IL3RA: variants seen among roughly 807,000 people sequenced by gnomAD.
The protein encoded by IL3RA is interleukin-3 receptor subunit alpha.
In IL3RA, 73 loss-of-function variants were observed where a neutral mutation model predicts 52.3. That is an observed-to-expected ratio of 1.40 (90% CI 1.16 to 1.70). The LOEUF (loss-of-function observed/expected upper bound fraction) is 1.70. IL3RA is among the 40% of genes most tolerant of loss of function. IL3RA has a pLI of 0.00. For missense variants in IL3RA, 664 were observed against 504.4 expected, an observed-to-expected ratio of 1.32 and a Z score of -3.03; for synonymous variants, 260 against 194.0, an observed-to-expected ratio of 1.34 and a Z score of -2.83.
At chrX:1,356,195 CCT>C in intron 6 of IL3RA, 24 bp from the exon 7 acceptor site, 1 of 1,338,624 alleles carries the variant, frequency 7.5e-7, no homozygotes, top group Non-Finnish European at 1.1e-6. Flanking sequence ...ACTCCTAAAT[CCT>C]AAAAGTGTTT....
At chrX:1,378,532 TC>T (rs1307343872) in intron 9 of IL3RA, 126 bp from the exon 10 acceptor site, 36 of 756,464 alleles carry the variant, frequency 4.8e-5, no homozygotes, top group South Asian at 6.7e-5. Flanking sequence ...TACTGGGGTG[TC>T]CCCCCCTGGA....
At chrX:1,344,589 A>G (rs1340259970) in intron 2 of IL3RA, among the ~76,000 whole-genome samples, 2 of 151,520 alleles carry the variant, frequency 1.3e-5, no homozygotes, top group Non-Finnish European at 2.9e-5. Context: ...CCTGGCCAAC[A>G]TGGTGAAACC....
chrX:1,380,705 G>A (rs1457836855), intron 10 of IL3RA, among the ~76,000 whole-genome samples: 1 of 143,958 alleles, frequency 6.9e-6, no homozygotes, highest in Admixed American at 7.0e-5. Context: ...GGAGGAAGAG[G>A]GGGACGAGGC....
chrX:1,361,622 A>ATG (rs2087376955), intron 8 of IL3RA, among the ~76,000 whole-genome samples: 1 of 151,036 alleles, frequency 6.6e-6, no homozygotes, highest in Non-Finnish European at 1.5e-5. Context: ...TGGTGGTGGC[A>ATG]GGCGCCTGTG....
rs757432640 is a variant in IL3RA at position 1,339,728 on chromosome X, G to A, written c.-38-2000G>A. The stretch of plus-strand genomic sequence containing the variant: ...AATCGCTTGAACGTGGGAGGTGGAG[G>A]TTGCAGTGAACCAAGATCGCGCCAC... On this transcript the variant is annotated intron_variant, in intron 1 of 11. Coordinates refer to ENST00000331035, the MANE Select transcript of IL3RA (RefSeq NM_002183.4). Among the ~76,000 whole-genome samples, 42 of 152,150 alleles carry A rather than the reference G, an allele frequency of 2.8e-4. No individual in the cohort carries two copies. In the South Asian group the frequency reaches 6.2e-3, roughly 23 times the overall value.
At chrX:1,380,119 C>CCTCA (rs1172933154) in intron 10 of IL3RA, among the ~76,000 whole-genome samples, 1 of 151,778 alleles carries the variant, frequency 6.6e-6, no homozygotes, top group African/African-American at 2.4e-5. Context: ...GTCTTGAACT[C>CCTCA]CTCACCTCAG....
chrX:1,353,808 C>A (rs1429393109), intron 6 of IL3RA, among the ~76,000 whole-genome samples: 1 of 146,248 alleles, frequency 6.8e-6, no homozygotes, highest in Non-Finnish European at 1.5e-5. Flanking sequence ...TCATGGGACC[C>A]CCCCCATCAC....
At chrX:1,365,109 C>T (rs758577972) in intron 8 of IL3RA, 29 bp from the exon 9 acceptor site, 16 of 1,543,558 alleles carry the variant, frequency 1.0e-5, no homozygotes, top group African/African-American at 1.4e-5. Flanking sequence ...ATACCTGGCC[C>T]CTCTTCTTTA....
At chrX:1,344,641 T>C (rs758400376) in intron 2 of IL3RA, among the ~76,000 whole-genome samples, 1,521 of 143,962 alleles carry the variant, frequency 0.011, 13 homozygotes, top group Middle Eastern at 0.029. Context: ...GGCGTGGTGG[T>C]GGGCTCCTGT....
chrX:1,361,721 C>G (rs767497821), intron 8 of IL3RA, among the ~76,000 whole-genome samples: 1 of 146,960 alleles, frequency 6.8e-6, no homozygotes, highest in East Asian at 2.0e-4. Flanking sequence ...CCACTGCACT[C>G]CAGCCTGGGT....
In IL3RA at chrX:1,345,559, C is replaced by T. The variant is rs1393317490; in HGVS notation, c.183+125C>T. 42 of 544,854 alleles carry T rather than the reference C, an allele frequency of 7.7e-5. 1 individual carries two copies. Among genetic ancestry groups the T allele is most frequent in the South Asian group, 2.8e-4 (5 of 17,998 alleles). The allele number at this position is 544,854 out of a possible 1,614,324, so 33.8% of individuals were successfully genotyped here. ...GGCTGGACTGCGGTGACCCGATCTCCGCTCTCTGCAACCTCCACCTCCCAG... is the reference window on the plus strand; with the variant it reads ...GGCTGGACTGCGGTGACCCGATCTCTGCTCTCTGCAACCTCCACCTCCCAG... On this transcript the variant is annotated intron_variant, in intron 3 of 11. Coordinates refer to ENST00000331035, the MANE Select transcript of IL3RA (RefSeq NM_002183.4).
At chrX:1,361,567 T>G (rs1374022377) in intron 8 of IL3RA, among the ~76,000 whole-genome samples, 1 of 151,802 alleles carries the variant, frequency 6.6e-6, no homozygotes, top group Admixed American at 6.6e-5. Flanking sequence ...CTGGCCAACA[T>G]GGTGAAACCT....
chrX:1,336,803 GA>G lies in IL3RA; in HGVS notation c.-159del, dbSNP rs2085343771. 1 of 152,164 alleles carries G rather than the reference GA, an allele frequency of 6.6e-6. No homozygotes were observed. The highest frequency in any genetic ancestry group is 6.6e-5 in the Admixed American group (1 of 15,264). 9.4% of individuals were successfully genotyped at this position (152,164 alleles called of 1,614,324 possible). The stretch of plus-strand genomic sequence containing the variant: ...GTACAACCTTCGGTTTCTCTTCGGG[GA>G]AAGCTGCTTTCAGCGCACACGGGAA... On this transcript the variant is annotated 5_prime_UTR_variant, in exon 1 of 12. Transcript: ENST00000331035.
chrX:1,345,528 C>T (rs1296343886), intron 3 of IL3RA, 94 bp downstream of exon 3: 25 of 875,388 alleles, frequency 2.9e-5, no homozygotes, highest in African/African-American at 7.1e-5. Context: ...CTTGCTCTGT[C>T]GCCCAGGCTG....
intron 8 of IL3RA, among the ~76,000 whole-genome samples, chrX:1,362,407 C>A (rs1349270227): frequency 1.9e-4 from 28 of 151,110 alleles, no homozygotes; most frequent in Admixed American, 1.7e-3. Flanking sequence ...GTTTTTCTTT[C>A]TTTTTCCCTC....
At chrX:1,353,818 C>G (rs868207482) in intron 6 of IL3RA, among the ~76,000 whole-genome samples, 1 of 106,660 alleles carries the variant, frequency 9.4e-6, no homozygotes, top group Non-Finnish European at 1.9e-5. Flanking sequence ...CCCCCCATCA[C>G]GGGTTCCATC....
chrX:1,359,676 G>T (rs1426727527), intron 8 of IL3RA, among the ~76,000 whole-genome samples: 2 of 138,030 alleles, frequency 1.4e-5, no homozygotes, highest in Admixed American at 1.5e-4. Context: ...CTCCGTGTCT[G>T]TCTCTATCTT....
At chrX:1,340,547 T>G (rs2085450197) in intron 1 of IL3RA, among the ~76,000 whole-genome samples, 1 of 152,004 alleles carries the variant, frequency 6.6e-6, no homozygotes, top group Non-Finnish European at 1.5e-5. Context: ...TATGCACTTC[T>G]AGGCACATGC....
In IL3RA at chrX:1,364,490, TCAAAACAAAA is replaced by T. The variant is rs774580532; in HGVS notation, c.760-638_760-629del. ...TGGGCAACAAGAGTGAAACTCTGTC[TCAAAACAAAA>T]CAAAACAAATTTTCTTCTAGAGATG... On this transcript the variant is annotated intron_variant, in intron 8 of 11. Coordinates refer to ENST00000331035, the MANE Select transcript of IL3RA (RefSeq NM_002183.4). Among the ~76,000 whole-genome samples the T allele has an allele frequency of 7.9e-5, 12 of 152,296 alleles. No individual in the cohort carries two copies. The East Asian group carries it at 2.3e-3, about 29-fold the overall frequency.
Sources: gnomAD v4.1 joint callset for allele counts (sites outside exome capture counted in the v4.1 genomes callset) on GRCh38, gnomAD v4.1.1 for gene constraint, MANE v1.5 for transcripts, NCBI Gene and HGNC (gene_info 2026-07-23, HGNC 2026-07-21) for gene names.